The following KANK1 variants were observed in gnomAD, a reference collection of about 807,000 sequenced individuals.
KANK1 encodes the protein KN motif and ankyrin repeat domain-containing protein 1.
KANK1 carries 109 observed loss-of-function variants against 106.2 expected under a neutral mutation model. The observed-to-expected ratio is 1.03, with a 90% confidence interval of 0.88 to 1.20. The LOEUF is 1.20. KANK1 is among the 50% of genes most tolerant of loss of function. The probability of loss-of-function intolerance (pLI) is 0.00; values close to 1 mark genes in which losing one functional copy is unlikely to be tolerated. For synonymous variants in KANK1, 873 were observed against 652.2 expected (o/e 1.34, Z -5.16); for missense variants, 2,399 against 1,710.7 (o/e 1.40, Z -7.10).
chr9:471,517 T>G (rs1564104736), intron 2 of KANK1: 1 of 152,236 alleles, frequency 6.6e-6, no homozygotes, highest in African/African-American at 2.4e-5. Context: ...TCATCTTCCT[T>G]GGAGCAGGAC....
intron 1 of KANK1, among the ~76,000 whole-genome samples, chr9:564,940 G>T (rs1817446899): frequency 6.6e-6 from 1 of 152,202 alleles, no homozygotes; most frequent in African/African-American, 2.4e-5. Flanking sequence ...ACTTGGCACA[G>T]ACATGGCTGT....
intron 1 of KANK1, among the ~76,000 whole-genome samples, chr9:537,501 G>A (rs1010839059): frequency 2.6e-5 from 4 of 152,262 alleles, no homozygotes; most frequent in Middle Eastern, 6.8e-3. Flanking sequence ...TGATAAACAA[G>A]TAATTTGGGG....
chr9:679,002 C>T (rs953514555), intron 2 of KANK1, among the ~76,000 whole-genome samples: 5 of 152,248 alleles, frequency 3.3e-5, no homozygotes, highest in South Asian at 2.1e-4. Context: ...AATTCCTTTC[C>T]AACTTGGTTT....
intron 2 of KANK1, chr9:693,642 T>A (rs2139587928): frequency 1.0e-6 from 1 of 985,388 alleles, no homozygotes; most frequent in Admixed American, 6.1e-5. Flanking sequence ...GTCAGGAAAT[T>A]CCAAATGGGT....
At chr9:500,341 G>T (rs1055940934), upstream of KANK1, among the ~76,000 whole-genome samples, 1 of 152,132 alleles carries the variant, frequency 6.6e-6, no homozygotes, top group Admixed American at 6.5e-5. Context: ...TAGATAATAG[G>T]AATTTCAAAA....
At position 604,600 on chromosome 9, in the gene KANK1, C is replaced by G. The variant is rs572352209; in HGVS notation, c.-83-72290C>G. On this transcript the variant is annotated intron_variant, in intron 1 of 11. Transcript: ENST00000382297. ...TAATCCCAGCACTTTGAGAGACCAACGCGGGCAGATCACTTGAGGTCAGGA... is the reference window on the plus strand; with the variant it reads ...TAATCCCAGCACTTTGAGAGACCAAGGCGGGCAGATCACTTGAGGTCAGGA... Among the ~76,000 whole-genome samples the G allele has an allele frequency of 6.2e-4, 94 of 151,418 alleles. 2 individuals carry two copies. Among genetic ancestry groups the G allele is most frequent in the African/African-American group, 2.2e-3 (91 of 41,108 alleles).
intron 1 of KANK1, among the ~76,000 whole-genome samples, chr9:537,728 AT>A: frequency 6.6e-6 from 1 of 152,260 alleles, no homozygotes; most frequent in East Asian, 1.9e-4. Flanking sequence ...GTTTGGAGAC[AT>A]TTTTGGTTGC....
At chr9:738,525 C>G in intron 8 of KANK1, 21 bp downstream of exon 8, 2 of 1,582,702 alleles carry the variant, frequency 1.3e-6, no homozygotes, top group Non-Finnish European at 1.7e-6. Context: ...TGCCCTTCCA[C>G]CCTCTCTTCT....
chr9:735,837 T>G (rs541324802), intron 7 of KANK1: 2 of 344,178 alleles, frequency 5.8e-6, no homozygotes, highest in Non-Finnish European at 1.2e-5. Context: ...CTACTAAAAA[T>G]ACAAAAAGTT....
intron 3 of KANK1, among the ~76,000 whole-genome samples, chr9:499,334 CAGTGT>C (rs1315004081): frequency 2.0e-5 from 3 of 152,162 alleles, no homozygotes; most frequent in African/African-American, 7.2e-5. Flanking sequence ...GGAACAACCT[CAGTGT>C]CCATCAAAGG....
In KANK1 at chr9:645,356, C is replaced by G. The variant is rs574113894; in HGVS notation, c.-83-31534C>G. On this transcript the variant is annotated intron_variant, in intron 1 of 11. Coordinates refer to ENST00000382297, the MANE Select transcript of KANK1 (RefSeq NM_015158.5). ...TGAGAAGTCTGAGGCAGGAGAATTG[C>G]TTGAACCTGGGAGGTGGAGGTTGTA... 4.4e-5 allele frequency among the ~76,000 whole-genome samples: 6 copies of G among 137,558 alleles called. No individual in the cohort carries two copies. The East Asian group carries it at 1.4e-3, about 32-fold the overall frequency. 90.2% of individuals were successfully genotyped at this position (137,558 alleles called of 152,430 possible).
intron 3 of KANK1, chr9:487,631 A>T (rs577779527): frequency 6.6e-6 from 1 of 152,344 alleles, no homozygotes; most frequent in Non-Finnish European, 1.5e-5. Flanking sequence ...TTCTAATGCC[A>T]TTGTTAAAAT....
intron 1 of KANK1, among the ~76,000 whole-genome samples, chr9:524,994 T>TC (rs1412726947): frequency 7.0e-6 from 1 of 142,290 alleles, no homozygotes; most frequent in Non-Finnish European, 1.5e-5. Flanking sequence ...TTTTTTTTTT[T>TC]TTTTTTTTTT....
chr9:675,398 G>A (rs949339291), intron 1 of KANK1, among the ~76,000 whole-genome samples: 1 of 152,172 alleles, frequency 6.6e-6, no homozygotes, highest in African/African-American at 2.4e-5. Context: ...TAGAGTCAGA[G>A]TTTGGGCACA....
intron 1 of KANK1, among the ~76,000 whole-genome samples, chr9:566,714 C>G (rs58214968): frequency 1.3e-5 from 2 of 151,012 alleles, no homozygotes; most frequent in African/African-American, 2.4e-5. Context: ...TTGTTTTTTT[C>G]TTATAAATTT....
intron 1 of KANK1, among the ~76,000 whole-genome samples, chr9:532,525 C>T (rs901182942): frequency 1.3e-5 from 2 of 151,930 alleles, no homozygotes; most frequent in African/African-American, 2.4e-5. Flanking sequence ...CAACCCTTAA[C>T]TCCCCATTTC....
intron 1 of KANK1, among the ~76,000 whole-genome samples, chr9:577,499 C>G (rs1225424087): frequency 1.3e-5 from 2 of 152,172 alleles, no homozygotes; most frequent in Non-Finnish European, 2.9e-5. Flanking sequence ...GGTGTGTTTA[C>G]AATCCTTTAA....
intron 3 of KANK1, among the ~76,000 whole-genome samples, chr9:716,003 G>A (rs1288112469): frequency 6.6e-6 from 1 of 152,310 alleles, no homozygotes; most frequent in Non-Finnish European, 1.5e-5. Flanking sequence ...ACTCACCACA[G>A]TCTAGAATGT....
chr9:605,962 C>T (rs1443333358), intron 1 of KANK1, among the ~76,000 whole-genome samples: 1 of 151,706 alleles, frequency 6.6e-6, no homozygotes, highest in Non-Finnish European at 1.5e-5. Context: ...TGACTCCCTT[C>T]CCATTAGAAT....
Sources: gnomAD v4.1 joint callset for allele counts (sites outside exome capture counted in the v4.1 genomes callset) on GRCh38, gnomAD v4.1.1 for gene constraint, MANE v1.5 for transcripts, NCBI Gene and HGNC (gene_info 2026-07-23, HGNC 2026-07-21) for gene names.